NAALADL2: variants seen among roughly 807,000 people sequenced by gnomAD.
NAALADL2 encodes N-acetylated alpha-linked acidic dipeptidase like 2.
A neutral mutation model predicts 87.2 loss-of-function variants in NAALADL2; 76 were observed. That is an observed-to-expected ratio of 0.87 (90% CI 0.72 to 1.05). NAALADL2 has a LOEUF of 1.05. NAALADL2 is among the 50% of genes least tolerant of loss of function. The pLI is 0.00. For missense variants in NAALADL2, 1,089 were observed against 945.8 expected (o/e 1.15, Z -1.99); for synonymous variants, 354 against 331.0 (o/e 1.07, Z -0.75).
chr3:174,899,439 C>T (rs1045696914), intron 1 of NAALADL2, among the ~76,000 whole-genome samples: 4 of 151,846 alleles, frequency 2.6e-5, no homozygotes, highest in African/African-American at 7.3e-5. Flanking sequence ...TAAAGTCCTC[C>T]CCTTGGTGGT....
intron 2 of NAALADL2, among the ~76,000 whole-genome samples, chr3:174,627,608 GA>G (rs751570790): frequency 6.6e-6 from 1 of 152,320 alleles, no homozygotes; most frequent in East Asian, 1.9e-4. Flanking sequence ...CAAAGGAAAA[GA>G]AATCATTTTA....
intron 2 of NAALADL2, among the ~76,000 whole-genome samples, chr3:174,578,987 A>G (rs1429112517): frequency 2.0e-5 from 3 of 152,024 alleles, no homozygotes; most frequent in Admixed American, 2.0e-4. Flanking sequence ...TTTCACAAAG[A>G]AAAATATGCA....
chr3:175,373,949 C>G lies in NAALADL2; in HGVS notation c.1090+49624C>G, dbSNP rs963029708. On this transcript the variant is annotated intron_variant, in intron 5 of 13. Coordinates refer to ENST00000454872, the MANE Select transcript of NAALADL2 (RefSeq NM_207015.3). Reference sequence around the variant, plus strand: ...TTTTATGCTGATGGACTTAGTATATCTTTTTATGGAAGAATCTGTCTATGC... The same window carrying G: ...TTTTATGCTGATGGACTTAGTATATGTTTTTATGGAAGAATCTGTCTATGC... 7.9e-5 allele frequency among the ~76,000 whole-genome samples: 12 copies of G among 152,110 alleles called. No individual in the cohort carries two copies. In the South Asian group the frequency reaches 8.3e-4, roughly 11 times the overall value.
chr3:174,971,193 G>A (rs1054478099), intron 1 of NAALADL2, among the ~76,000 whole-genome samples: 58 of 152,160 alleles, frequency 3.8e-4, no homozygotes, highest in African/African-American at 1.4e-3. Flanking sequence ...CTCCCAAAAC[G>A]TGGGAATTCT....
chr3:174,492,351 G>T (rs1212520985), intron 1 of NAALADL2, among the ~76,000 whole-genome samples: 2 of 151,992 alleles, frequency 1.3e-5, no homozygotes, highest in Non-Finnish European at 2.9e-5. Flanking sequence ...ACAATTAGAT[G>T]CTTTGAATTA....
At chr3:175,217,697 C>G (rs1226849598) in intron 2 of NAALADL2, among the ~76,000 whole-genome samples, 1 of 152,172 alleles carries the variant, frequency 6.6e-6, no homozygotes, top group African/African-American at 2.4e-5. Context: ...CTAGTTTTAA[C>G]CACATACCAA....
In NAALADL2 at chr3:175,138,364, G is replaced by C. The variant is rs1293308534; in HGVS notation, c.545+41073G>C. Among the ~76,000 whole-genome samples, 3 of 152,034 alleles carry C rather than the reference G, an allele frequency of 2.0e-5. No homozygotes were observed. The South Asian group carries it at 6.2e-4, about 32-fold the overall frequency. ...ACAACTTCTTATCCAAAACTCCTGG[G>C]GGCAGGTATGCTGACGTTCACGTTT... On this transcript the variant is annotated intron_variant, in intron 2 of 13. Coordinates refer to ENST00000454872, the MANE Select transcript of NAALADL2 (RefSeq NM_207015.3).
At chr3:175,324,138 A>G (rs1760377061) in intron 4 of NAALADL2, 37 bp from the exon 5 acceptor site, 1 of 1,594,914 alleles carries the variant, frequency 6.3e-7, no homozygotes, top group Non-Finnish European at 8.6e-7. Context: ...TTTAATGTGC[A>G]TGATAATATT....
At chr3:175,082,358 A>G (rs565973471) in intron 1 of NAALADL2, among the ~76,000 whole-genome samples, 23 of 152,274 alleles carry the variant, frequency 1.5e-4, no homozygotes, top group African/African-American at 5.5e-4. Context: ...TATTATTTCT[A>G]TCTTATTTTG....
intron 5 of NAALADL2, among the ~76,000 whole-genome samples, chr3:175,333,037 G>T (rs1761575709): frequency 6.6e-6 from 1 of 152,050 alleles, no homozygotes; most frequent in Non-Finnish European, 1.5e-5. Flanking sequence ...TGGGTTTTCA[G>T]GCTTGCTTGG....
At chr3:175,443,723 C>G (rs1006766763) in intron 5 of NAALADL2, among the ~76,000 whole-genome samples, 25 of 152,148 alleles carry the variant, frequency 1.6e-4, no homozygotes, top group South Asian at 4.1e-4. Flanking sequence ...ATGTACCTGA[C>G]AAGGTGCCAG....
At chr3:175,601,181 T>A (rs1472412125) in intron 10 of NAALADL2, among the ~76,000 whole-genome samples, 2 of 152,226 alleles carry the variant, frequency 1.3e-5, no homozygotes, top group Admixed American at 6.5e-5. Context: ...ATGTTTACTT[T>A]GAAGCACATT....
intron 1 of NAALADL2, among the ~76,000 whole-genome samples, chr3:174,884,612 C>T (rs1020612772): frequency 6.6e-6 from 1 of 152,166 alleles, no homozygotes; most frequent in Non-Finnish European, 1.5e-5. Flanking sequence ...AAATCCATAT[C>T]TGGAATAAGT....
intron 6 of NAALADL2, among the ~76,000 whole-genome samples, chr3:175,450,199 T>TA (rs958853293): frequency 3.9e-5 from 6 of 152,106 alleles, no homozygotes; most frequent in African/African-American, 1.2e-4. Context: ...TCCTCATAGA[T>TA]ACTATAAAAT....
Position 175,468,840 on chromosome 3 carries a change from G to A in NAALADL2, c.1533+1656G>A, listed in dbSNP as rs1364468219. ...GAGTTGAATCAATGTGGGCTTGCAT[G>A]TGTGTGAGCGATAGTTTTTGTCAAA... is the stretch of plus-strand genomic sequence containing the variant. On this transcript the variant is annotated intron_variant, in intron 8 of 13. Transcript: ENST00000454872. 2.0e-5 allele frequency among the ~76,000 whole-genome samples: 3 copies of A among 152,014 alleles called. No homozygotes were observed. The East Asian group carries it at 5.8e-4, about 29-fold the overall frequency.
chr3:175,802,518 A>G (rs2108357150), intron 13 of NAALADL2, among the ~76,000 whole-genome samples: 1 of 147,866 alleles, frequency 6.8e-6, no homozygotes, highest in East Asian at 1.9e-4. Flanking sequence ...AGAGGGCAAC[A>G]TTGAGAAACC....
At chr3:175,346,541 G>C (rs935140986) in intron 5 of NAALADL2, among the ~76,000 whole-genome samples, 3 of 152,106 alleles carry the variant, frequency 2.0e-5, no homozygotes, top group African/African-American at 7.2e-5. Context: ...ATTAGGGTTT[G>C]ACTTTTGTTA....
chr3:174,994,972 C>T (rs146799402), intron 1 of NAALADL2, among the ~76,000 whole-genome samples: 1 of 152,014 alleles, frequency 6.6e-6, no homozygotes, highest in Non-Finnish European at 1.5e-5. Flanking sequence ...GAAAACTCAT[C>T]AGAAATGGAA....
At chr3:174,873,247 T>TTATC (rs1728075501) in intron 1 of NAALADL2, among the ~76,000 whole-genome samples, 1 of 117,714 alleles carries the variant, frequency 8.5e-6, no homozygotes, top group Non-Finnish European at 1.9e-5. Flanking sequence ...ATTTATTTAT[T>TTATC]TATTTATTTA....
Sources: gnomAD v4.1 joint callset for allele counts (sites outside exome capture counted in the v4.1 genomes callset) on GRCh38, gnomAD v4.1.1 for gene constraint, MANE v1.5 for transcripts, NCBI Gene and HGNC (gene_info 2026-07-23, HGNC 2026-07-21) for gene names.